CCDC7: variants seen among roughly 807,000 people sequenced by gnomAD.
The protein encoded by CCDC7 is coiled-coil domain-containing protein 7.
CCDC7 carries 183 observed loss-of-function variants against 196.9 expected under a neutral mutation model. The observed-to-expected ratio is 0.93, with a 90% CI of 0.82 to 1.05. The LOEUF is 1.05. CCDC7 is among the 50% of genes least tolerant of loss of function. CCDC7 has a pLI of 0.00. For synonymous variants in CCDC7, 525 were observed against 484.6 expected (o/e 1.08, Z -1.10); for missense variants, 1,540 against 1,482.2 (o/e 1.04, Z -0.64).
chr10:32,523,683 T>G (rs2048221417), intron 11 of CCDC7, among the ~76,000 whole-genome samples: 1 of 152,194 alleles, frequency 6.6e-6, no homozygotes, highest in African/African-American at 2.4e-5. Flanking sequence ...ATATTTACAA[T>G]CATTATATCC....
chr10:32,616,833 T>C (rs73257429), intron 18 of CCDC7, among the ~76,000 whole-genome samples: 8,063 of 151,930 alleles, frequency 0.053, 710 homozygotes, highest in African/African-American at 0.18. Context: ...TATGCTTTTT[T>C]TATGCCTAGT....
intron 28 of CCDC7, among the ~76,000 whole-genome samples, chr10:32,743,374 A>C (rs2133218740): frequency 6.6e-6 from 1 of 152,286 alleles, no homozygotes; most frequent in East Asian, 1.9e-4. Context: ...CTCTGATGGT[A>C]GTTTCTTTTG....
chr10:32,512,130 T>C, intron 9 of CCDC7: 1 of 179,080 alleles, frequency 5.6e-6, no homozygotes, highest in Middle Eastern at 2.8e-3. Context: ...GTGGGACAAA[T>C]TGAGATCTCA....
chr10:32,799,248 C>T (rs35553433), intron 29 of CCDC7, among the ~76,000 whole-genome samples: 21,017 of 152,108 alleles, frequency 0.14, 1,763 homozygotes, highest in East Asian at 0.25. Context: ...CTGCAGAAGA[C>T]GGCAGGGCCT....
At chr10:32,741,539 T>A (rs1356592315) in intron 28 of CCDC7, among the ~76,000 whole-genome samples, 5 of 152,176 alleles carry the variant, frequency 3.3e-5, no homozygotes, top group Non-Finnish European at 7.3e-5. Context: ...CCTCTGTATA[T>A]GTTGGGTTTT....
At chr10:32,603,736 C>T (rs2061309547) in intron 18 of CCDC7, among the ~76,000 whole-genome samples, 1 of 151,606 alleles carries the variant, frequency 6.6e-6, no homozygotes. Flanking sequence ...ATATTTGCTG[C>T]CTGCTTGTAT....
chr10:32,534,137 T>C (rs932048101), intron 11 of CCDC7, among the ~76,000 whole-genome samples: 2 of 152,146 alleles, frequency 1.3e-5, no homozygotes, highest in African/African-American at 4.8e-5. Context: ...AAATAGCCAA[T>C]CTTAGATTTC....
At chr10:32,591,252 T>G (rs1473311309) in intron 18 of CCDC7, among the ~76,000 whole-genome samples, 2 of 152,140 alleles carry the variant, frequency 1.3e-5, no homozygotes, top group Non-Finnish European at 2.9e-5. Context: ...CTCCTCTGTG[T>G]ATTTTCAAAT....
chr10:32,584,286 G>A, exon 18 of CCDC7: 1 of 1,598,308 alleles, frequency 6.3e-7, no homozygotes, highest in Non-Finnish European at 8.5e-7. Context: ...AACTTACCAA[G>A]CAGCAGAAAA....
At chr10:32,876,406 T>C (rs1230605018), downstream of CCDC7, 6 of 1,605,824 alleles carry the variant, frequency 3.7e-6, no homozygotes, top group Non-Finnish European at 4.3e-6. Flanking sequence ...ATGAAGGAAA[T>C]TCTGAGCAAG....
At chr10:32,478,319 A>G (rs999808305) in intron 8 of CCDC7, among the ~76,000 whole-genome samples, 5 of 152,178 alleles carry the variant, frequency 3.3e-5, no homozygotes, top group African/African-American at 9.6e-5. Flanking sequence ...ATATTATTGC[A>G]TTAGCTAGGA....
intron 25 of CCDC7, among the ~76,000 whole-genome samples, chr10:32,712,085 T>TGTAA (rs2080934565): frequency 6.6e-6 from 1 of 152,120 alleles, no homozygotes; most frequent in Non-Finnish European, 1.5e-5. Context: ...TGCCGAGATC[T>TGTAA]GTAACTGAAG....
At chr10:32,797,905 A>T (rs528857004) in intron 29 of CCDC7, among the ~76,000 whole-genome samples, 341 of 152,286 alleles carry the variant, frequency 2.2e-3, no homozygotes, top group Non-Finnish European at 3.8e-3. Context: ...TTGTGACTTC[A>T]AAAGGCCATT....
intron 18 of CCDC7, among the ~76,000 whole-genome samples, chr10:32,604,732 ATGT>A (rs2138485189): frequency 6.6e-6 from 1 of 152,040 alleles, no homozygotes; most frequent in African/African-American, 2.4e-5. Flanking sequence ...TAGTTCTTTA[ATGT>A]TGTATAGAAA....
In CCDC7 at chr10:32,853,378, C is replaced by T. The variant is rs372243994; in HGVS notation, c.4022-1022C>T. Among the ~76,000 whole-genome samples, 8 of 152,020 alleles carry T rather than the reference C, an allele frequency of 5.3e-5. No homozygotes were observed. The East Asian group carries it at 5.8e-4, about 11-fold the overall frequency. The stretch of plus-strand genomic sequence containing the variant: ...GCATAAAATATTTTAAAATTTTTCA[C>T]GAAAGCATTTGGCCTTTGAATCTAA... On this transcript the variant is annotated intron_variant, in intron 40 of 41. Coordinates refer to ENST00000639629, the Ensembl canonical transcript of CCDC7.
chr10:32,815,341 CAAA>C (rs1169545370), intron 31 of CCDC7, among the ~76,000 whole-genome samples: 1 of 151,866 alleles, frequency 6.6e-6, no homozygotes, highest in Non-Finnish European at 1.5e-5. Context: ...AAACATTTCT[CAAA>C]GAAGAAAAAG....
At chr10:32,684,484 C>T (rs1485484483) in intron 21 of CCDC7, among the ~76,000 whole-genome samples, 1 of 152,180 alleles carries the variant, frequency 6.6e-6, no homozygotes, top group South Asian at 2.1e-4. Flanking sequence ...GGTGGGGAGC[C>T]TTCCCTGGCT....
At chr10:32,709,297 A>G (rs969861844) in intron 24 of CCDC7, among the ~76,000 whole-genome samples, 1 of 131,204 alleles carries the variant, frequency 7.6e-6, no homozygotes, top group Non-Finnish European at 1.6e-5. Flanking sequence ...CAGGAAGGGG[A>G]ACATCACACA....
chr10:32,704,821 G>T (rs771368273), intron 24 of CCDC7, among the ~76,000 whole-genome samples: 1 of 152,158 alleles, frequency 6.6e-6, no homozygotes, highest in Non-Finnish European at 1.5e-5. Flanking sequence ...CCAGGCGCGG[G>T]ATATATTCTC....
Sources: allele counts gnomAD v4.1 joint callset (sites outside exome capture counted in the v4.1 genomes callset), GRCh38; gene constraint gnomAD v4.1.1; transcripts MANE v1.5; gene names NCBI Gene and HGNC (gene_info 2026-07-23, HGNC 2026-07-21).